Variants in HERC1 observed in about 807,000 individuals in gnomAD.
The protein encoded by HERC1 is probable E3 ubiquitin-protein ligase HERC1.
HERC1 carries 160 observed loss-of-function variants against 554.3 expected under a neutral mutation model. The ratio of observed to expected loss-of-function variants is 0.29; its 90% CI spans 0.25 to 0.33. The LOEUF (loss-of-function observed/expected upper bound fraction) is 0.33, where lower values mean the gene tolerates loss of function less well. Among genes scored for constraint, HERC1 ranks in the 10% least tolerant of loss-of-function variants. The probability of loss-of-function intolerance (pLI) is 1.00; values close to 1 mark genes in which losing one functional copy is unlikely to be tolerated. For missense variants in HERC1, 4,919 were observed against 5,918.5 expected (o/e 0.83, Z 5.54); for synonymous variants, 2,175 against 2,131.7 (o/e 1.02, Z -0.56).
chr15:63,808,590 AAT>A (rs2077203033), intron 1 of HERC1, among the ~76,000 whole-genome samples: 1 of 152,184 alleles, frequency 6.6e-6, no homozygotes, highest in Admixed American at 6.5e-5. Context: ...ACTGCTCATC[AAT>A]ATACTTTTTA....
intron 1 of HERC1, among the ~76,000 whole-genome samples, chr15:63,805,691 A>G (rs1156663083): frequency 1.3e-5 from 2 of 152,324 alleles, no homozygotes; most frequent in East Asian, 3.9e-4. Flanking sequence ...TGAGGCCTAC[A>G]ATCCCAGCAC....
chr15:63,788,831 C>T (rs538053075), intron 1 of HERC1, among the ~76,000 whole-genome samples: 20 of 146,580 alleles, frequency 1.4e-4, no homozygotes, highest in South Asian at 1.1e-3. Context: ...CAGGAGATCG[C>T]GCCATTGCAC....
chr15:63,724,404 A>G (rs1275257990), intron 18 of HERC1, among the ~76,000 whole-genome samples: 1 of 152,216 alleles, frequency 6.6e-6, no homozygotes, highest in Non-Finnish European at 1.5e-5. Context: ...GAAATGATGA[A>G]TGTACACTCA....
intron 1 of HERC1, among the ~76,000 whole-genome samples, chr15:63,812,053 C>G (rs1436097835): frequency 6.6e-6 from 1 of 152,098 alleles, no homozygotes; most frequent in Admixed American, 6.6e-5. Flanking sequence ...AAATTTAGAG[C>G]CAGATTTGTA....
At chr15:63,817,678 A>G (rs1018022097) in intron 1 of HERC1, among the ~76,000 whole-genome samples, 7 of 152,138 alleles carry the variant, frequency 4.6e-5, no homozygotes, top group Non-Finnish European at 1.0e-4. Context: ...TCGCGCCACT[A>G]CACTCCAGTG....
intron 44 of HERC1, 86 bp from the exon 45 acceptor site, chr15:63,662,107 T>C (rs771362036): frequency 1.3e-4 from 168 of 1,289,816 alleles, no homozygotes; most frequent in Non-Finnish European, 1.7e-4. Flanking sequence ...ATTAAATTAC[T>C]TTATTACATA....
intron 3 of HERC1, among the ~76,000 whole-genome samples, chr15:63,762,532 C>T (rs1468307141): frequency 3.3e-5 from 5 of 152,042 alleles, no homozygotes; most frequent in Admixed American, 3.3e-4. Context: ...ACCATATTGG[C>T]CAGGCTGGTC....
At chr15:63,757,122 A>T (rs1419016908) in intron 4 of HERC1, among the ~76,000 whole-genome samples, 1 of 152,072 alleles carries the variant, frequency 6.6e-6, no homozygotes. Context: ...TGTATTCTAA[A>T]CCTATTTGAA....
chr15:63,743,356 G>A (rs1036823754), intron 12 of HERC1, among the ~76,000 whole-genome samples: 1 of 146,878 alleles, frequency 6.8e-6, no homozygotes. Context: ...CCACCTCCCA[G>A]GTTCAAGCGA....
chr15:63,773,273 G>A lies in HERC1; in HGVS notation c.930+1421C>T, dbSNP rs188578418. Among the ~76,000 whole-genome samples the A allele has an allele frequency of 2.2e-3, 329 of 151,756 alleles. 2 individuals are homozygous for A. The South Asian group carries it at 0.028, about 13-fold the overall frequency. ...GCTATGGTCAACATGGTGAAACCCC[G>A]TCTCTACTAAAAGTACAAAAATTAG... is the stretch of plus-strand genomic sequence containing the variant. On this transcript the variant is annotated intron_variant, in intron 2 of 77. Coordinates refer to ENST00000443617, the MANE Select transcript of HERC1 (RefSeq NM_003922.4).
At chr15:63,712,294 A>G (rs2153119884) in intron 24 of HERC1, among the ~76,000 whole-genome samples, 1 of 152,352 alleles carries the variant, frequency 6.6e-6, no homozygotes, top group East Asian at 1.9e-4. Context: ...GGAAAGGGAG[A>G]GGAGAGGACA....
chr15:63,833,757 A>ACACACGCGCG (rs1567176533), intron 1 of HERC1, 70 bp downstream of exon 1: 1 of 92,730 alleles, frequency 1.1e-5, no homozygotes, highest in Non-Finnish European at 2.6e-5. Context: ...GCGCGCGCAC[A>ACACACGCGCG]CACACACACA....
intron 22 of HERC1, among the ~76,000 whole-genome samples, chr15:63,714,837 G>A (rs919070797): frequency 5.1e-4 from 77 of 151,908 alleles, no homozygotes; most frequent in African/African-American, 1.7e-3. Flanking sequence ...GTGAGCCACC[G>A]CACCTGGCCC....
intron 1 of HERC1, among the ~76,000 whole-genome samples, chr15:63,807,495 G>C (rs540552351): frequency 1.3e-5 from 2 of 152,202 alleles, no homozygotes; most frequent in African/African-American, 4.8e-5. Flanking sequence ...ACTTAAAAGT[G>C]TACTAATGGC....
At chr15:63,794,135 C>T (rs1039178914) in intron 1 of HERC1, among the ~76,000 whole-genome samples, 1 of 152,162 alleles carries the variant, frequency 6.6e-6, no homozygotes, top group Non-Finnish European at 1.5e-5. Context: ...ATAATCCACC[C>T]CTTGTTTAGC....
chr15:63,626,242 T>G (rs570689875), intron 70 of HERC1, 88 bp from the exon 71 acceptor site: 1 of 1,302,124 alleles, frequency 7.7e-7, no homozygotes, highest in Non-Finnish European at 1.1e-6. Flanking sequence ...TACAGAGAAG[T>G]TGAGATAATT....
chr15:63,653,949 T>C (rs1195928857), intron 51 of HERC1, among the ~76,000 whole-genome samples, 170 bp downstream of exon 51: 1 of 152,174 alleles, frequency 6.6e-6, no homozygotes, highest in Non-Finnish European at 1.5e-5. Flanking sequence ...ACAGAGAAAG[T>C]AGAGTTGGTA....
intron 39 of HERC1, among the ~76,000 whole-genome samples, chr15:63,671,396 G>C (rs888889277): frequency 1.3e-5 from 2 of 150,808 alleles, no homozygotes; most frequent in African/African-American, 4.9e-5. Context: ...AAGTGAGAGA[G>C]AAAAAAAGAA....
At chr15:63,707,051 T>G (rs530757232) in intron 24 of HERC1, among the ~76,000 whole-genome samples, 2 of 152,278 alleles carry the variant, frequency 1.3e-5, no homozygotes, top group South Asian at 2.1e-4. Context: ...ACTAAAAAAC[T>G]CACATTAATT....
Sources: gnomAD v4.1 joint callset for allele counts (sites outside exome capture counted in the v4.1 genomes callset) on GRCh38, gnomAD v4.1.1 for gene constraint, MANE v1.5 for transcripts, NCBI Gene and HGNC (gene_info 2026-07-23, HGNC 2026-07-21) for gene names.